The following PTPRG variants were observed in gnomAD, a reference collection of about 807,000 sequenced individuals.
PTPRG encodes receptor-type tyrosine-protein phosphatase gamma.
Under a neutral mutation model 165.3 loss-of-function variants are expected in PTPRG, and 102 were observed. The observed-to-expected ratio is 0.62, with a 90% CI of 0.53 to 0.73. The LOEUF is 0.73. Among genes scored for constraint, PTPRG ranks in the 30% least tolerant of loss-of-function variants. PTPRG has a pLI of 0.00. For synonymous variants in PTPRG, 675 were observed against 669.5 expected (o/e 1.01, Z -0.13); for missense variants, 1,866 against 1,861.4 (o/e 1.00, Z -0.05).
At chr3:61,721,792 A>G (rs1575609955) in intron 1 of PTPRG, among the ~76,000 whole-genome samples, 2 of 152,174 alleles carry the variant, frequency 1.3e-5, no homozygotes, top group African/African-American at 4.8e-5. Flanking sequence ...CAGAACAATG[A>G]GAAAATAAAG....
At chr3:61,631,792 C>T (rs750235186) in intron 1 of PTPRG, among the ~76,000 whole-genome samples, 52 of 152,152 alleles carry the variant, frequency 3.4e-4, no homozygotes, top group Admixed American at 9.8e-4. Flanking sequence ...ACATGAAAAG[C>T]TTCCCCTTAT....
At chr3:62,022,923 A>G (rs1391072860) in intron 4 of PTPRG, among the ~76,000 whole-genome samples, 1 of 151,980 alleles carries the variant, frequency 6.6e-6, no homozygotes, top group African/African-American at 2.4e-5. Context: ...GAAGCCTTTT[A>G]TTTTTCTTGT....
chr3:62,293,121 A>C, intron 29 of PTPRG, 40 bp from the exon 30 acceptor site: 2 of 1,492,024 alleles, frequency 1.3e-6, no homozygotes, highest in Non-Finnish European at 1.8e-6. Context: ...AAATCACTAA[A>C]CTGTTCTTTG....
chr3:61,919,817 G>C (rs1046270123), intron 2 of PTPRG, among the ~76,000 whole-genome samples: 1 of 152,120 alleles, frequency 6.6e-6, no homozygotes, highest in Non-Finnish European at 1.5e-5. Context: ...CTTGTTACAT[G>C]TGCCTTCCCT....
intron 2 of PTPRG, among the ~76,000 whole-genome samples, chr3:61,925,579 AC>A (rs1003395981): frequency 6.6e-6 from 1 of 152,108 alleles, no homozygotes; most frequent in Non-Finnish European, 1.5e-5. Context: ...CCTCATCTCT[AC>A]AAAAATGCAA....
chr3:62,017,087 G>C (rs750842578), intron 4 of PTPRG, among the ~76,000 whole-genome samples: 1 of 152,108 alleles, frequency 6.6e-6, no homozygotes, highest in Non-Finnish European at 1.5e-5. Context: ...GGAGGGGATC[G>C]GTCTGTCTGT....
chr3:62,243,969 A>C (rs919240097), intron 15 of PTPRG, 71 bp downstream of exon 15: 3 of 941,798 alleles, frequency 3.2e-6, no homozygotes, highest in Non-Finnish European at 4.9e-6. Flanking sequence ...TTTATGTGAT[A>C]AAACAACAAA....
intron 2 of PTPRG, among the ~76,000 whole-genome samples, chr3:61,928,202 T>TG (rs1480936197): frequency 3.3e-5 from 5 of 152,210 alleles, no homozygotes; most frequent in African/African-American, 1.2e-4. Context: ...TCCCTCTGGT[T>TG]GCTCATACCT....
At chr3:62,014,344 G>C (rs2041492144) in intron 4 of PTPRG, among the ~76,000 whole-genome samples, 1 of 152,094 alleles carries the variant, frequency 6.6e-6, no homozygotes, top group Non-Finnish European at 1.5e-5. Context: ...GATGGATGGA[G>C]ACCAGCTGGG....
At chr3:62,135,758 C>A (rs866586993) in intron 6 of PTPRG, among the ~76,000 whole-genome samples, 2 of 152,044 alleles carry the variant, frequency 1.3e-5, no homozygotes, top group African/African-American at 4.8e-5. Flanking sequence ...GTTTGGGCCA[C>A]GCATAGTGCA....
Position 62,229,354 on chromosome 3 carries a change from G to A in PTPRG, c.2289-1871G>A, listed in dbSNP as rs1386978511. ...ACTGTTTCCCAAATGGCTACTCAGG[G>A]GCCTTTCAGAATTCACGAGAGCTGT... On this transcript the variant is annotated intron_variant, in intron 13 of 29. Transcript: ENST00000474889. This position sits in a 1 kb window ranked among gnomAD's most constrained non-coding sequence, Gnocchi z 4.6. Among the ~76,000 whole-genome samples, 1 of 152,130 alleles carries A rather than the reference G, an allele frequency of 6.6e-6. No homozygotes were observed. The highest frequency in any genetic ancestry group is 1.5e-5 in the Non-Finnish European group (1 of 68,032).
intron 12 of PTPRG, among the ~76,000 whole-genome samples, chr3:62,204,426 A>G (rs1700177790): frequency 6.6e-6 from 1 of 152,160 alleles, no homozygotes; most frequent in Non-Finnish European, 1.5e-5. Flanking sequence ...GCTGGAGCGC[A>G]TGCCCAGAAG....
chr3:61,858,927 C>T (rs997245), intron 2 of PTPRG, among the ~76,000 whole-genome samples: 7,025 of 152,168 alleles, frequency 0.046, 347 homozygotes, highest in East Asian at 0.24. Context: ...AAATGCTCTC[C>T]GTTTTCTTCC....
At chr3:62,016,779 T>C (rs778374189) in intron 4 of PTPRG, among the ~76,000 whole-genome samples, 5 of 152,176 alleles carry the variant, frequency 3.3e-5, no homozygotes, top group Admixed American at 6.5e-5. Context: ...AAGGCCCTAG[T>C]TGACCTGGCT....
At chr3:61,896,875 A>G (rs951932393) in intron 2 of PTPRG, among the ~76,000 whole-genome samples, 4 of 150,992 alleles carry the variant, frequency 2.6e-5, no homozygotes, top group African/African-American at 9.7e-5. Flanking sequence ...TCTTTGGTGA[A>G]CTATTCGTGT....
Position 61,887,159 on chromosome 3 carries a change from TA to T in PTPRG, c.191-102465del, listed in dbSNP as rs1447549865. ...ATATATATATATATATATATATATA[TA>T]TATATATATATTTTTAATGCCATCA... is the stretch of plus-strand genomic sequence containing the variant. On this transcript the variant is annotated intron_variant, in intron 2 of 29. Coordinates refer to ENST00000474889, the MANE Select transcript of PTPRG (RefSeq NM_002841.4). Among the ~76,000 whole-genome samples, 6 of 91,010 alleles carry T rather than the reference TA, an allele frequency of 6.6e-5. No individual in the cohort carries two copies. In the East Asian group the frequency reaches 8.7e-4, roughly 13 times the overall value. 59.7% of individuals were successfully genotyped at this position (91,010 alleles called of 152,430 possible).
chr3:61,654,304 G>A (rs1011502653), intron 1 of PTPRG, among the ~76,000 whole-genome samples: 1 of 152,094 alleles, frequency 6.6e-6, no homozygotes, highest in Non-Finnish European at 1.5e-5. Context: ...AGGAGATATA[G>A]GTGGAATTTT....
rs572678697 is a variant in PTPRG, at chr3:61,950,881, G to A, written c.191-38744G>A. 5.3e-5 allele frequency among the ~76,000 whole-genome samples: 8 copies of A among 152,238 alleles called. No individual in the cohort carries two copies. The South Asian group carries it at 6.2e-4, about 12-fold the overall frequency. On this transcript the variant is annotated intron_variant, in intron 2 of 29. Transcript: ENST00000474889. ...GTAAATATTATCCTATTTGAAGAAC[G>A]GGATTTCTGGAAAAACTCATGGGGA...
chr3:61,955,760 T>C lies in PTPRG; in HGVS notation c.191-33865T>C, dbSNP rs73842163. Among the ~76,000 whole-genome samples, 1,071 of 152,312 alleles carry C rather than the reference T, an allele frequency of 7.0e-3. 10 individuals carry two copies. Among genetic ancestry groups the C allele is most frequent in the African/African-American group, 0.025 (1,032 of 41,574 alleles). On this transcript the variant is annotated intron_variant, in intron 2 of 29. Transcript: ENST00000474889. ...ATATTATGTTTCAGTTCTACTGAAA[T>C]AATAGCATTCGTAGGCACACAGATA...
Sources: gnomAD v4.1 joint callset for allele counts (sites outside exome capture counted in the v4.1 genomes callset) on GRCh38, gnomAD v4.1.1 for gene constraint, Gnocchi (gnomAD v3.1) non-coding constraint, MANE v1.5 for transcripts, NCBI Gene and HGNC (gene_info 2026-07-23, HGNC 2026-07-21) for gene names.